The following RSPRY1 variants were observed in gnomAD, a reference collection of about 807,000 sequenced individuals.
RSPRY1 encodes ring finger and SPRY domain containing 1.
A neutral mutation model predicts 73.1 loss-of-function variants in RSPRY1; 23 were observed. The ratio of observed to expected loss-of-function variants is 0.31; its 90% CI spans 0.23 to 0.45. The LOEUF (loss-of-function observed/expected upper bound fraction) is 0.45, where lower values mean the gene tolerates loss of function less well. Ranked by LOEUF, RSPRY1 falls within the 20% of genes least tolerant of loss-of-function variation. RSPRY1 has a pLI of 1.00. For missense variants in RSPRY1, 448 were observed against 698.7 expected (o/e 0.64, Z 4.05); for synonymous variants, 226 against 251.4 (o/e 0.90, Z 0.95).
Position 57,229,690 on chromosome 16 carries a change from C to CTTTTTTTTTTT in RSPRY1, c.1274-998_1274-988dup, listed in dbSNP as rs1162737560. Among the ~76,000 whole-genome samples, 3 of 42,142 alleles carry CTTTTTTTTTTT rather than the reference C, an allele frequency of 7.1e-5. 1 individual carries two copies. Among genetic ancestry groups the CTTTTTTTTTTT allele is most frequent in the Non-Finnish European group, 1.2e-4 (3 of 24,748 alleles). 27.6% of individuals were successfully genotyped at this position (42,142 alleles called of 152,430 possible). A position where few individuals can be genotyped will look rare whatever the true frequency, so the allele number is the denominator to read the frequency against. ...TTTATCTGATAAGTGAAGATAAATG[C>CTTTTTTTTTTT]TTTTTTTTTTTTTTTTTTTTTTTTT... On this transcript the variant is annotated intron_variant, in intron 11 of 14. Transcript: ENST00000394420.
chr16:57,235,717 A>G (rs1304932584), intron 14 of RSPRY1, among the ~76,000 whole-genome samples: 1 of 152,224 alleles, frequency 6.6e-6, no homozygotes, highest in African/African-American at 2.4e-5. Context: ...CAGTTGGGCA[A>G]TGTGGCGTCC....
intron 2 of RSPRY1, 87 bp from the exon 3 acceptor site, chr16:57,207,971 T>C (rs1194615406): frequency 1.2e-6 from 1 of 815,030 alleles, no homozygotes. Flanking sequence ...CTGTCCCTTT[T>C]TACCTCCACA....
At chr16:57,186,173 C>G, upstream of RSPRY1, 1 of 985,828 alleles carries the variant, frequency 1.0e-6, no homozygotes, top group South Asian at 4.7e-5. Context: ...AGGATGAGGA[C>G]TGGCCAGTCT....
At chr16:57,187,784 C>G (rs1425583973) in intron 1 of RSPRY1, among the ~76,000 whole-genome samples, 1 of 152,076 alleles carries the variant, frequency 6.6e-6, no homozygotes, top group Non-Finnish European at 1.5e-5. Flanking sequence ...ATATTAAGAT[C>G]TAAACCCATG....
At chr16:57,218,895 C>T (rs948526636) in intron 8 of RSPRY1, among the ~76,000 whole-genome samples, 1 of 141,338 alleles carries the variant, frequency 7.1e-6, no homozygotes, top group Non-Finnish European at 1.5e-5. Flanking sequence ...GCCACTACGC[C>T]CGGCTAATTT....
intron 14 of RSPRY1, 35 bp from the exon 15 acceptor site, chr16:57,238,844 A>G (rs771780442): frequency 1.5e-6 from 2 of 1,327,992 alleles, no homozygotes; most frequent in Non-Finnish European, 2.1e-6. Flanking sequence ...CTTTTGAAGC[A>G]TTAACTTGAC....
chr16:57,198,721 G>A (rs566929796), intron 1 of RSPRY1, among the ~76,000 whole-genome samples: 4 of 152,202 alleles, frequency 2.6e-5, no homozygotes, highest in South Asian at 2.1e-4. Flanking sequence ...TTTTTAGTAC[G>A]TGATTAGTCT....
At chr16:57,194,853 C>G (rs1318912786) in intron 1 of RSPRY1, among the ~76,000 whole-genome samples, 1 of 152,046 alleles carries the variant, frequency 6.6e-6, no homozygotes, top group East Asian at 1.9e-4. Context: ...GACTAGTTGG[C>G]CAGATGTCTC....
At chr16:57,196,045 A>G (rs2146184473) in intron 1 of RSPRY1, among the ~76,000 whole-genome samples, 1 of 147,748 alleles carries the variant, frequency 6.8e-6, no homozygotes, top group African/African-American at 2.5e-5. Context: ...ATATATATAT[A>G]TATATATAGG....
intron 3 of RSPRY1, among the ~76,000 whole-genome samples, chr16:57,208,420 CAG>C (rs2074772263): frequency 1.0e-5 from 1 of 98,470 alleles, no homozygotes. Flanking sequence ...TTTTTTGAGA[CAG>C]AGTCTCACTC....
intron 13 of RSPRY1, 146 bp downstream of exon 13, chr16:57,231,465 T>A: frequency 1.2e-6 from 1 of 801,258 alleles, no homozygotes; most frequent in South Asian, 2.0e-5. Flanking sequence ...TATAAATTTC[T>A]AAGATCGCAG....
intron 11 of RSPRY1, among the ~76,000 whole-genome samples, chr16:57,228,272 C>CAAAAAAAAAAAAAAAAAAAAAAAAA (rs34368338): frequency 1.4e-5 from 1 of 72,092 alleles, no homozygotes; most frequent in African/African-American, 5.3e-5. Context: ...GACTCCATCT[C>CAAAAAAAAAAAAAAAAAAAAAAAAA]AAAAAAAAAA....
rs1427131638 is a variant in RSPRY1 at position 57,213,160 on chromosome 16, T to C, written c.643+62T>C. The C allele has an allele frequency of 4.0e-6, 6 of 1,510,962 alleles. No homozygotes were observed. The East Asian group carries it at 1.4e-4, about 35-fold the overall frequency. The allele number at this position is 1,510,962 out of a possible 1,614,324, so 93.6% of individuals were successfully genotyped here. On this transcript the variant is annotated intron_variant, in intron 5 of 14. Coordinates refer to ENST00000394420, the MANE Select transcript of RSPRY1 (RefSeq NM_133368.3). ...TTGTTTGACATTAAAGGGAAATTTG[T>C]ACTGTATGTCTTTGATCAAACTGCT...
chr16:57,190,543 C>A (rs2074335465), intron 1 of RSPRY1, among the ~76,000 whole-genome samples: 1 of 152,208 alleles, frequency 6.6e-6, no homozygotes, highest in Non-Finnish European at 1.5e-5. Flanking sequence ...AGCTTCTCTT[C>A]AAGCTTTTGG....
chr16:57,224,196 C>T (rs116791545), intron 10 of RSPRY1, among the ~76,000 whole-genome samples: 5,698 of 152,298 alleles, frequency 0.037, 112 homozygotes, highest in Middle Eastern at 0.1. Flanking sequence ...CAGCATGCAG[C>T]CACCATTGCT....
intron 2 of RSPRY1, chr16:57,207,715 G>A (rs1435384800): frequency 6.4e-6 from 3 of 470,900 alleles, no homozygotes; most frequent in African/African-American, 5.9e-5. Context: ...TGACCTTCCT[G>A]GCTTGTCTCA....
At chr16:57,207,978 C>T in intron 2 of RSPRY1, 80 bp from the exon 3 acceptor site, 1 of 858,990 alleles carries the variant, frequency 1.2e-6, no homozygotes. Context: ...TTTTTACCTC[C>T]ACACCTCCAG....
chr16:57,206,202 A>C (rs2074721962), intron 2 of RSPRY1, among the ~76,000 whole-genome samples: 2 of 152,148 alleles, frequency 1.3e-5, no homozygotes, highest in Non-Finnish European at 2.9e-5. Context: ...CCAGGAGTTC[A>C]AGACCAGCCT....
intron 11 of RSPRY1, 64 bp from the exon 12 acceptor site, chr16:57,230,647 T>A: frequency 1.1e-6 from 1 of 887,222 alleles, no homozygotes. Flanking sequence ...ACACTTGAGA[T>A]GCTTAGCAAA....
Sources: gnomAD v4.1 joint callset for allele counts (sites outside exome capture counted in the v4.1 genomes callset) on GRCh38, gnomAD v4.1.1 for gene constraint, MANE v1.5 for transcripts, NCBI Gene and HGNC (gene_info 2026-07-23, HGNC 2026-07-21) for gene names.